The following TLE4 variants were observed in gnomAD, a reference collection of about 807,000 sequenced individuals.
TLE4 encodes the protein TLE family member 4, transcriptional corepressor.
In TLE4, 8 loss-of-function variants were observed where a neutral mutation model predicts 92.8. The observed-to-expected ratio is 0.09, with a 90% CI of 0.05 to 0.16. TLE4 has a LOEUF of 0.16. Ranked by LOEUF, TLE4 falls within the 10% of genes least tolerant of loss-of-function variation. The pLI, the probability that TLE4 is intolerant of heterozygous loss-of-function variation, is 1.00. For synonymous variants in TLE4, 371 were observed against 374.1 expected (o/e 0.99, Z 0.10); for missense variants, 675 against 997.6 (o/e 0.68, Z 4.36).
At chr9:79,628,873 A>AGAGT (rs2053403737) in intron 6 of TLE4, among the ~76,000 whole-genome samples, 1 of 147,996 alleles carries the variant, frequency 6.8e-6, no homozygotes, top group South Asian at 2.2e-4. Flanking sequence ...TTTAAAGTTA[A>AGAGT]GTGTGTGTGT....
At chr9:79,719,857 G>A (rs1007962315) in intron 15 of TLE4, among the ~76,000 whole-genome samples, 189 bp from the exon 16 acceptor site, 1 of 152,172 alleles carries the variant, frequency 6.6e-6, no homozygotes, top group African/African-American at 2.4e-5. Context: ...ACTACATTTT[G>A]TAGATCAACT....
intron 6 of TLE4, among the ~76,000 whole-genome samples, chr9:79,645,662 A>G (rs1245106234): frequency 1.3e-5 from 2 of 152,212 alleles, no homozygotes; most frequent in Non-Finnish European, 2.9e-5. Flanking sequence ...ACCTATTAAC[A>G]GCATTGAGGC....
intron 5 of TLE4, among the ~76,000 whole-genome samples, chr9:79,618,997 A>G (rs1259025358): frequency 6.6e-6 from 1 of 152,034 alleles, no homozygotes; most frequent in African/African-American, 2.4e-5. Context: ...TTCCATACCA[A>G]CCTGAATGCT....
intron 6 of TLE4, among the ~76,000 whole-genome samples, chr9:79,652,156 A>G (rs1457026870): frequency 2.0e-5 from 3 of 152,066 alleles, no homozygotes; most frequent in South Asian, 2.1e-4. Context: ...ATATATGTTA[A>G]TAGTAAATCT....
intron 2 of TLE4, 99 bp downstream of exon 2, chr9:79,573,885 G>C: frequency 1.3e-6 from 1 of 783,616 alleles, no homozygotes; most frequent in Non-Finnish European, 1.8e-6. Flanking sequence ...TTGTGGGGGC[G>C]TCACAAAGGT....
intron 8 of TLE4, among the ~76,000 whole-genome samples, chr9:79,677,703 T>C (rs1167523462): frequency 6.6e-6 from 1 of 151,900 alleles, no homozygotes; most frequent in Non-Finnish European, 1.5e-5. Flanking sequence ...ACAAACTTAA[T>C]TGAGCTTATA....
At chr9:79,612,526 TTTCCTC>T (rs1191904315) in intron 4 of TLE4, 124 bp from the exon 5 acceptor site, 28 of 799,302 alleles carry the variant, frequency 3.5e-5, no homozygotes, top group Non-Finnish European at 5.9e-5. Context: ...ATGAGATAGT[TTTCCTC>T]TTCCTTAGGA....
chr9:79,588,691 G>C (rs1440269657), intron 4 of TLE4, among the ~76,000 whole-genome samples: 12 of 152,124 alleles, frequency 7.9e-5, no homozygotes, highest in Admixed American at 7.9e-4. Flanking sequence ...TCTAAAACAG[G>C]CATGGCACCT....
chr9:79,705,148 T>C (rs1045808919), intron 9 of TLE4, among the ~76,000 whole-genome samples: 5 of 152,238 alleles, frequency 3.3e-5, no homozygotes, highest in African/African-American at 1.2e-4. Context: ...TCCATATTAT[T>C]GTTTCTATAG....
chr9:79,709,543 T>A (rs971740339), intron 13 of TLE4, 80 bp from the exon 14 acceptor site: 1 of 1,247,658 alleles, frequency 8.0e-7, no homozygotes. Flanking sequence ...CTCCCAGGTT[T>A]TAGAATAGAT....
At chr9:79,668,000 A>G (rs1320548478) in intron 8 of TLE4, among the ~76,000 whole-genome samples, 4 of 152,266 alleles carry the variant, frequency 2.6e-5, no homozygotes, top group Non-Finnish European at 2.9e-5. Context: ...AAGTCGTTGA[A>G]TAATTCACAT....
At position 79,724,849 on chromosome 9, in the gene TLE4, TAAAAAAAAAAA is replaced by T. The variant is rs947971071; in HGVS notation, c.2215-166_2215-156del. On this transcript the variant is annotated intron_variant, in intron 19 of 19. Coordinates refer to ENST00000376552, the MANE Select transcript of TLE4 (RefSeq NM_007005.6). The stretch of plus-strand genomic sequence containing the variant: ...GTGACTGAGGGAGACCCTGTCTTAT[TAAAAAAAAAAA>T]AAAAAAAAAAAAAAAAAAAAAGCAG... Among the ~76,000 whole-genome samples the T allele has an allele frequency of 1.2e-3, 32 of 25,990 alleles. No homozygotes were observed. In the South Asian group the frequency reaches 0.029, roughly 23 times the overall value. 17.1% of individuals were successfully genotyped at this position (25,990 alleles called of 152,430 possible).
At chr9:79,598,920 G>C (rs2044816091) in intron 4 of TLE4, among the ~76,000 whole-genome samples, 1 of 152,200 alleles carries the variant, frequency 6.6e-6, no homozygotes, top group African/African-American at 2.4e-5. Flanking sequence ...TTCTAGTTTA[G>C]AGTAGGAGCC....
intron 8 of TLE4, among the ~76,000 whole-genome samples, chr9:79,676,988 A>C (rs1045044100): frequency 6.6e-6 from 1 of 152,146 alleles, no homozygotes; most frequent in Non-Finnish European, 1.5e-5. Context: ...GGTTTTAGCC[A>C]TGAATAAAAC....
At chr9:79,659,223 A>G (rs540689461) in intron 8 of TLE4, among the ~76,000 whole-genome samples, 1 of 152,310 alleles carries the variant, frequency 6.6e-6, no homozygotes, top group East Asian at 1.9e-4. Flanking sequence ...AGTTATTAAA[A>G]ATCTGAAACA....
chr9:79,624,559 A>C (rs1043813983), intron 5 of TLE4, among the ~76,000 whole-genome samples: 4 of 152,222 alleles, frequency 2.6e-5, no homozygotes, highest in Non-Finnish European at 4.4e-5. Flanking sequence ...CAAAAAGAAG[A>C]AGCTGAATCA....
At chr9:79,685,236 T>C (rs572097765) in intron 8 of TLE4, among the ~76,000 whole-genome samples, 121 of 152,300 alleles carry the variant, frequency 7.9e-4, no homozygotes, top group African/African-American at 2.8e-3. Flanking sequence ...TTACCCTCAT[T>C]CCTGCTGGGT....
At chr9:79,695,505 A>T (rs1173956951) in intron 8 of TLE4, among the ~76,000 whole-genome samples, 1 of 152,232 alleles carries the variant, frequency 6.6e-6, no homozygotes, top group Non-Finnish European at 1.5e-5. Flanking sequence ...GGTAACATGA[A>T]GCATACATGA....
At chr9:79,646,117 T>A (rs1334324737) in intron 6 of TLE4, among the ~76,000 whole-genome samples, 2 of 152,156 alleles carry the variant, frequency 1.3e-5, no homozygotes, top group Non-Finnish European at 2.9e-5. Context: ...ATAATGTATC[T>A]TAAATTACAT....
Sources: gnomAD v4.1 joint callset for allele counts (sites outside exome capture counted in the v4.1 genomes callset) on GRCh38, gnomAD v4.1.1 for gene constraint, MANE v1.5 for transcripts, NCBI Gene and HGNC (gene_info 2026-07-23, HGNC 2026-07-21) for gene names.